The following PLEKHH2 variants were observed in gnomAD, a reference collection of about 807,000 sequenced individuals.
The protein encoded by PLEKHH2 is pleckstrin homology, MyTH4 and FERM domain containing H2.
In PLEKHH2, 129 loss-of-function variants were observed where a neutral mutation model predicts 187.9. That is an observed-to-expected ratio of 0.69 (90% confidence interval 0.59 to 0.79). The LOEUF (loss-of-function observed/expected upper bound fraction) is 0.79, where lower values mean the gene tolerates loss of function less well. Ranked by LOEUF, PLEKHH2 falls within the 30% of genes least tolerant of loss-of-function variation. The pLI, the probability that PLEKHH2 is intolerant of heterozygous loss-of-function variation, is 0.00. For synonymous variants in PLEKHH2, 686 were observed against 605.6 expected, an observed-to-expected ratio of 1.13 and a Z score of -1.95; for missense variants, 2,076 against 1,751.2, an observed-to-expected ratio of 1.19 and a Z score of -3.31.
chr2:43,757,265 G>A lies in PLEKHH2; in HGVS notation c.3941+1G>A. 6.4e-7 allele frequency: 1 copy of A among 1,552,476 alleles called. No homozygotes were observed. The highest frequency in any genetic ancestry group is 2.4e-5 in the East Asian group (1 of 41,942). On this transcript the variant is annotated splice_donor_variant, in intron 26 of 29. Transcript: ENST00000282406. LOFTEE classifies it high-confidence loss of function. Reference sequence around the variant, plus strand: ...ATGGCTGTTCTGAAGAGCAGTTAAGGTAAGGAAATCTTTGTAACTCTTTAT... The same window carrying A: ...ATGGCTGTTCTGAAGAGCAGTTAAGATAAGGAAATCTTTGTAACTCTTTAT...
intron 3 of PLEKHH2, among the ~76,000 whole-genome samples, chr2:43,688,218 C>T (rs1181386913): frequency 6.6e-6 from 1 of 152,196 alleles, no homozygotes; most frequent in African/African-American, 2.4e-5. Context: ...TATTCACCAA[C>T]TATGCATCCA....
chr2:43,751,627 G>C (rs1672012623), intron 24 of PLEKHH2, among the ~76,000 whole-genome samples: 1 of 152,138 alleles, frequency 6.6e-6, no homozygotes, highest in African/African-American at 2.4e-5. Context: ...GGAGATTTGG[G>C]AATACCCCCG....
At chr2:43,706,603 T>C (rs923559582) in intron 10 of PLEKHH2, among the ~76,000 whole-genome samples, 187 bp downstream of exon 10, 4 of 152,242 alleles carry the variant, frequency 2.6e-5, no homozygotes, top group Non-Finnish European at 4.4e-5. Context: ...AAGACACTTA[T>C]CAGAATGTTA....
rs1672602370 is a variant in PLEKHH2, at chr2:43,765,846, TTTCCATCTCCC to T, written c.*252_*262del. On this transcript the variant is annotated 3_prime_UTR_variant, in exon 30 of 30. Coordinates refer to ENST00000282406, the MANE Select transcript of PLEKHH2 (RefSeq NM_172069.4). Reference sequence around the variant, plus strand: ...GTAAATGAGTAAGAATTCATCATTTTTTCCATCTCCCTTCTCCCTTGTCATCAGACACATTG... The same window carrying T: ...GTAAATGAGTAAGAATTCATCATTTTTTCTCCCTTGTCATCAGACACATTG... The T allele has an allele frequency of 2.7e-6, 1 of 369,326 alleles. No homozygotes were observed. Among genetic ancestry groups the T allele is most frequent in the African/African-American group, 2.1e-5 (1 of 48,108 alleles). 22.9% of individuals were successfully genotyped at this position (369,326 alleles called of 1,614,324 possible).
chr2:43,666,047 G>C (rs1386648370), intron 2 of PLEKHH2, among the ~76,000 whole-genome samples: 3 of 148,918 alleles, frequency 2.0e-5, no homozygotes, highest in African/African-American at 7.7e-5. Flanking sequence ...GCAAGCCTGG[G>C]CAATGGCGGG....
At position 43,678,580 on chromosome 2, in the gene PLEKHH2, C is replaced by T. The variant is rs59633525; in HGVS notation, c.124-283C>T. 8.8e-3 allele frequency among the ~76,000 whole-genome samples: 1,345 copies of T among 152,200 alleles called. 23 individuals are homozygous for T. Among genetic ancestry groups the T allele is most frequent in the African/African-American group, 0.031 (1,284 of 41,558 alleles). On this transcript the variant is annotated intron_variant, in intron 2 of 29. Coordinates refer to ENST00000282406, the MANE Select transcript of PLEKHH2 (RefSeq NM_172069.4). The stretch of plus-strand genomic sequence containing the variant: ...CGAAAACCAGTCAGGCGTGGCGGCG[C>T]GCGCCTGCAATCGCAGGCACTCGGC...
chr2:43,750,782 G>T (rs73923866), intron 24 of PLEKHH2, among the ~76,000 whole-genome samples: 1 of 152,062 alleles, frequency 6.6e-6, no homozygotes, highest in African/African-American at 2.4e-5. Flanking sequence ...CAATTCTCAC[G>T]TACCATTTAT....
At chr2:43,725,813 T>G in intron 16 of PLEKHH2, among the ~76,000 whole-genome samples, 1 of 152,146 alleles carries the variant, frequency 6.6e-6, no homozygotes, top group Non-Finnish European at 1.5e-5. Flanking sequence ...AGGCATCATT[T>G]TTAAAAAGGT....
At chr2:43,694,546 A>G in intron 5 of PLEKHH2, 32 bp downstream of exon 5, 1 of 1,500,348 alleles carries the variant, frequency 6.7e-7, no homozygotes, top group Non-Finnish European at 8.9e-7. Context: ...CCTTTTCTTT[A>G]CCTTTTACTT....
intron 23 of PLEKHH2, among the ~76,000 whole-genome samples, chr2:43,744,327 T>C (rs990666458): frequency 3.3e-5 from 5 of 152,232 alleles, no homozygotes; most frequent in African/African-American, 1.2e-4. Flanking sequence ...CTTACTAAGC[T>C]ATTTTATTGT....
At chr2:43,725,634 A>G (rs975187140) in intron 16 of PLEKHH2, among the ~76,000 whole-genome samples, 2 of 152,226 alleles carry the variant, frequency 1.3e-5, no homozygotes, top group African/African-American at 2.4e-5. Context: ...TCTGCCTCCT[A>G]TAAGAATTTT....
intron 14 of PLEKHH2, 181 bp downstream of exon 14, chr2:43,710,756 A>C (rs1330645660): frequency 7.2e-7 from 1 of 1,382,600 alleles, no homozygotes; most frequent in Non-Finnish European, 9.4e-7. Context: ...CTATAATGTA[A>C]GTTAGGTGTG....
chr2:43,708,604 C>T (rs1308602587), intron 11 of PLEKHH2, among the ~76,000 whole-genome samples: 1 of 152,128 alleles, frequency 6.6e-6, no homozygotes, highest in Non-Finnish European at 1.5e-5. Context: ...TGTTCCATAC[C>T]ACCTACTGCC....
At chr2:43,757,829 C>T (rs1672276230) in intron 26 of PLEKHH2, among the ~76,000 whole-genome samples, 1 of 151,516 alleles carries the variant, frequency 6.6e-6, no homozygotes, top group Non-Finnish European at 1.5e-5. Flanking sequence ...TCATTCTTGT[C>T]CAGAACAACC....
chr2:43,694,657 G>C (rs537986874), intron 5 of PLEKHH2, 143 bp downstream of exon 5: 1 of 860,430 alleles, frequency 1.2e-6, no homozygotes, highest in East Asian at 3.5e-5. Flanking sequence ...ATGAGATATA[G>C]GTAGCTTTCA....
At chr2:43,685,008 C>A (rs1016636641) in intron 3 of PLEKHH2, among the ~76,000 whole-genome samples, 1 of 152,196 alleles carries the variant, frequency 6.6e-6, no homozygotes, top group Non-Finnish European at 1.5e-5. Flanking sequence ...ATACAGACAG[C>A]AGATGAATTC....
chr2:43,743,809 G>T (rs772271003), intron 22 of PLEKHH2, 25 bp from the exon 23 acceptor site: 17 of 1,591,156 alleles, frequency 1.1e-5, no homozygotes, highest in Non-Finnish European at 1.5e-5. Flanking sequence ...CTTATTAAGA[G>T]AACTGCTTTG....
At chr2:43,656,873 G>A (rs570905928) in intron 2 of PLEKHH2, among the ~76,000 whole-genome samples, 2 of 152,252 alleles carry the variant, frequency 1.3e-5, no homozygotes, top group East Asian at 3.9e-4. Flanking sequence ...CAAAAAATTA[G>A]CCAGGCATGG....
chr2:43,697,312 T>A lies in PLEKHH2; in HGVS notation c.644T>A (p.Ile215Lys), dbSNP rs769582965. The A allele has an allele frequency of 2.5e-6, 4 of 1,613,668 alleles. No individual in the cohort carries two copies. In the South Asian group the frequency reaches 4.4e-5, roughly 18 times the overall value. Residue 215 changes from isoleucine to lysine, a missense_variant, in exon 7 of 30, where the codon ATA becomes AAA. Ile to Lys is a moderately radical substitution (Grantham distance 102, BLOSUM62 -3). Coordinates refer to ENST00000282406, the MANE Select transcript of PLEKHH2 (RefSeq NM_172069.4). ...QVVKSEEMSKISSKEPEFTEG... is the reference protein window; with the variant it reads ...QVVKSEEMSKKSSKEPEFTEG... ...GTAAAATCTGAGGAAATGAGCAAGA[T>A]ATCATCGAAAGAACCTGAGTTCACT... is the stretch of plus-strand genomic sequence containing the variant.
Sources: allele counts gnomAD v4.1 joint callset (sites outside exome capture counted in the v4.1 genomes callset), GRCh38; gene constraint gnomAD v4.1.1; transcripts MANE v1.5; gene names NCBI Gene and HGNC (gene_info 2026-07-23, HGNC 2026-07-21).